The following MMS19 variants were observed in gnomAD, a reference collection of about 807,000 sequenced individuals.
MMS19 encodes the protein MMS19 nucleotide excision repair protein homolog.
A neutral mutation model predicts 129.8 loss-of-function variants in MMS19; 77 were observed. The observed-to-expected ratio is 0.59, with a 90% CI of 0.49 to 0.72. The LOEUF is 0.72. Ranked by LOEUF, MMS19 falls within the 30% of genes least tolerant of loss-of-function variation. The pLI, the probability that MMS19 is intolerant of heterozygous loss-of-function variation, is 0.00. For missense variants in MMS19, 1,168 were observed against 1,266.3 expected (o/e 0.92, Z 1.18); for synonymous variants, 491 against 502.8 (o/e 0.98, Z 0.31).
intron 1 of MMS19, among the ~76,000 whole-genome samples, chr10:97,497,613 AAG>A (rs1192816067): frequency 6.6e-6 from 1 of 152,102 alleles, no homozygotes; most frequent in Non-Finnish European, 1.5e-5. Context: ...TGTCTGAACT[AAG>A]AGATCTCTGA....
chr10:97,466,006 GC>G, intron 17 of MMS19, 52 bp from the exon 18 acceptor site: 1 of 1,611,392 alleles, frequency 6.2e-7, no homozygotes, highest in East Asian at 2.2e-5. Context: ...AAGCACGAAG[GC>G]CCCAAAGCCT....
intron 12 of MMS19, 22 bp downstream of exon 12, chr10:97,468,944 C>T: frequency 6.3e-7 from 1 of 1,575,552 alleles, no homozygotes; most frequent in African/African-American, 1.3e-5. Flanking sequence ...ACTCCCCTTC[C>T]TGGCTGCCAC....
At chr10:97,473,112 T>G (rs970076835) in intron 8 of MMS19, among the ~76,000 whole-genome samples, 1 of 151,876 alleles carries the variant, frequency 6.6e-6, no homozygotes, top group African/African-American at 2.4e-5. Flanking sequence ...CTCGGCTCAC[T>G]GTAACCTCCG....
At chr10:97,491,495 T>C (rs1008706401) in intron 1 of MMS19, among the ~76,000 whole-genome samples, 2 of 151,992 alleles carry the variant, frequency 1.3e-5, no homozygotes, top group Non-Finnish European at 2.9e-5. Flanking sequence ...TGAAACCCCA[T>C]CTCTACCAAA....
chr10:97,488,075 T>G (rs2038224427), intron 1 of MMS19, among the ~76,000 whole-genome samples: 1 of 151,608 alleles, frequency 6.6e-6, no homozygotes, highest in African/African-American at 2.4e-5. Flanking sequence ...GGTGACAGAG[T>G]GACGATCTGT....
intron 3 of MMS19, among the ~76,000 whole-genome samples, chr10:97,479,352 A>G (rs926373647): frequency 6.6e-6 from 1 of 152,066 alleles, no homozygotes; most frequent in Non-Finnish European, 1.5e-5. Flanking sequence ...TGAACCTCAC[A>G]TTGACACGCC....
intron 1 of MMS19, among the ~76,000 whole-genome samples, chr10:97,491,191 T>G (rs1288997208): frequency 6.6e-6 from 1 of 152,162 alleles, no homozygotes; most frequent in South Asian, 2.1e-4. Context: ...GATGAAGCCA[T>G]AGGGGACTAA....
At position 97,477,935 on chromosome 10, in the gene MMS19, G is replaced by C. The variant is rs771918502; in HGVS notation, c.349-6C>G. 6 of 1,587,716 alleles carry C rather than the reference G, an allele frequency of 3.8e-6. No individual in the cohort carries two copies. The highest frequency in any genetic ancestry group is 3.7e-5 in the Admixed American group (2 of 53,346). ...GGCAGGGCCACACACAGGCTCTGGG[G>C]GAGAGGAGAAGGTACGTGAATACCG... On this transcript the variant is annotated splice_region_variant and splice_polypyrimidine_tract_variant and intron_variant, in intron 4 of 30. Coordinates refer to ENST00000438925, the MANE Select transcript of MMS19 (RefSeq NM_022362.5).
intron 29 of MMS19, 90 bp from the exon 30 acceptor site, chr10:97,458,990 A>G: frequency 1.5e-6 from 2 of 1,302,428 alleles, no homozygotes; most frequent in Non-Finnish European, 2.2e-6. Context: ...TATTCTGAGG[A>G]AAGCAAAACA....
At chr10:97,495,017 AAGT>A (rs2039533074) in intron 1 of MMS19, among the ~76,000 whole-genome samples, 1 of 152,246 alleles carries the variant, frequency 6.6e-6, no homozygotes, top group Non-Finnish European at 1.5e-5. Flanking sequence ...GTTGAGAAAT[AAGT>A]GCGTACTACA....
At chr10:97,462,349 G>A (rs758355811) in intron 20 of MMS19, among the ~76,000 whole-genome samples, 1 of 152,198 alleles carries the variant, frequency 6.6e-6, no homozygotes, top group African/African-American at 2.4e-5. Context: ...TGCTCTACAG[G>A]TAATTCTTAA....
intron 1 of MMS19, among the ~76,000 whole-genome samples, chr10:97,494,109 CAG>C (rs1263643384): frequency 1.3e-5 from 2 of 152,230 alleles, no homozygotes; most frequent in Admixed American, 6.5e-5. Context: ...AGAAAGCTAA[CAG>C]AGAGTTAATT....
In MMS19 at chr10:97,476,971, G is replaced by A; in HGVS notation, c.494-8C>T. On this transcript the variant is annotated splice_polypyrimidine_tract_variant and splice_region_variant and intron_variant, in intron 6 of 30. Coordinates refer to ENST00000438925, the MANE Select transcript of MMS19 (RefSeq NM_022362.5). ...CTCCTAGGCTCTTTAGCTCTGGGAA[G>A]GAGAGAATAAGGTTACTATACTGTC... is the stretch of plus-strand genomic sequence containing the variant. The A allele has an allele frequency of 1.2e-6, 2 of 1,613,776 alleles. No individual in the cohort carries two copies. The highest frequency in any genetic ancestry group is 1.7e-6 in the Non-Finnish European group (2 of 1,179,734).
intron 1 of MMS19, among the ~76,000 whole-genome samples, chr10:97,486,586 T>C (rs545292519): frequency 6.6e-6 from 1 of 152,106 alleles, no homozygotes; most frequent in Non-Finnish European, 1.5e-5. Flanking sequence ...ATCTCACTTA[T>C]ATGGAGAATC....
rs2033351432 is a variant in MMS19 at position 97,465,805 on chromosome 10, C to T, written c.1756G>A (p.Gly586Arg). ...GTTGGTGGTTATTCCTAGTAGTTAC[C>T]TCTGTTCACTTGCCAGAGATGCTGC... ...LLQHLWQVNR[G>R]NMVAQSSDVI... is the part of the protein sequence containing the mutation. Residue 586 changes from glycine (G) to arginine (R), a missense_variant and splice_region_variant, in exon 18 of 31, where the codon GGG (glycine) becomes AGG (arginine). By Grantham distance (125) the Gly-to-Arg change is moderately radical. Coordinates refer to ENST00000438925, the MANE Select transcript of MMS19 (RefSeq NM_022362.5). 1 of 1,611,634 alleles carries T rather than the reference C, an allele frequency of 6.2e-7. No homozygotes were observed. The highest frequency in any genetic ancestry group is 1.7e-5 in the Admixed American group (1 of 60,004).
chr10:97,459,858 T>C, intron 26 of MMS19, 117 bp from the exon 27 acceptor site: 1 of 1,011,158 alleles, frequency 9.9e-7, no homozygotes, highest in Non-Finnish European at 1.5e-6. Flanking sequence ...AAAGAGCCCT[T>C]CACGCTCAGA....
intron 1 of MMS19, among the ~76,000 whole-genome samples, chr10:97,484,970 T>C (rs372492723): frequency 2.2e-4 from 33 of 152,206 alleles, no homozygotes; most frequent in Middle Eastern, 6.8e-3. Flanking sequence ...TTTGTAGAGA[T>C]GGGTTTCACC....
At chr10:97,486,746 G>T (rs990722236) in intron 1 of MMS19, among the ~76,000 whole-genome samples, 15 of 151,476 alleles carry the variant, frequency 9.9e-5, no homozygotes, top group Admixed American at 2.0e-4. Context: ...TCATATCTTT[G>T]AAAGACTCAA....
chr10:97,471,039 TG>T (rs2034582195), intron 8 of MMS19, among the ~76,000 whole-genome samples, 178 bp from the exon 9 acceptor site: 1 of 152,176 alleles, frequency 6.6e-6, no homozygotes. Flanking sequence ...TGGGAACTTT[TG>T]TCTTTAGGCA....
Sources: allele counts gnomAD v4.1 joint callset (sites outside exome capture counted in the v4.1 genomes callset), GRCh38; gene constraint gnomAD v4.1.1; transcripts MANE v1.5; gene names NCBI Gene and HGNC (gene_info 2026-07-23, HGNC 2026-07-21).